NREP: variants seen among roughly 807,000 people sequenced by gnomAD.
NREP encodes neuronal regeneration related protein.
NREP carries 5 observed loss-of-function variants against 8.6 expected under a neutral mutation model. The observed-to-expected ratio is 0.58, with a 90% CI of 0.30 to 1.22. The LOEUF is 1.22. NREP is among the 50% of genes most tolerant of loss of function. NREP has a pLI of 0.07. For missense variants in NREP, 86 were observed against 82.5 expected (o/e 1.04, Z -0.17); for synonymous variants, 27 against 28.0 (o/e 0.96, Z 0.11).
chr5:111,815,474 T>A (rs760957498), intron 2 of NREP, among the ~76,000 whole-genome samples: 100 of 152,052 alleles, frequency 6.6e-4, no homozygotes, highest in Non-Finnish European at 1.1e-3. Flanking sequence ...ATCTAAGGAC[T>A]CAGTTATCAA....
chr5:111,848,657 C>G (rs1362255769), intron 2 of NREP, among the ~76,000 whole-genome samples: 1 of 152,006 alleles, frequency 6.6e-6, no homozygotes, highest in African/African-American at 2.4e-5. Flanking sequence ...CCAACCCCCC[C>G]ATCCCCTGCC....
chr5:111,813,707 C>T (rs1752318658), intron 2 of NREP, among the ~76,000 whole-genome samples: 1 of 151,910 alleles, frequency 6.6e-6, no homozygotes, highest in Non-Finnish European at 1.5e-5. Context: ...TTATGGTTAC[C>T]ATAGAAAACA....
In NREP at chr5:111,855,482, T is replaced by G. The variant is rs1289480578; in HGVS notation, c.135+119792A>C. The stretch of plus-strand genomic sequence containing the variant: ...TAATCCCACCTCCCAAATCACTCAA[T>G]GAGTCAACATTTTTCCAGACCCAGA... On this transcript the variant is annotated intron_variant, in intron 2 of 3. Coordinates refer to the NREP transcript ENST00000395634. 2.0e-5 allele frequency among the ~76,000 whole-genome samples: 3 copies of G among 152,162 alleles called. 1 individual carries two copies.
At chr5:111,765,768 T>C (rs887076542) in intron 2 of NREP, among the ~76,000 whole-genome samples, 1 of 152,226 alleles carries the variant, frequency 6.6e-6, no homozygotes, top group Admixed American at 6.5e-5. Flanking sequence ...CACTTGGTTC[T>C]CTTGGTTTCT....
intron 2 of NREP, among the ~76,000 whole-genome samples, chr5:111,849,130 G>T (rs1345726203): frequency 6.6e-6 from 1 of 152,110 alleles, no homozygotes; most frequent in Non-Finnish European, 1.5e-5. Flanking sequence ...TGACAAGCAG[G>T]GAGCTTCTGG....
intron 2 of NREP, among the ~76,000 whole-genome samples, chr5:111,801,490 G>A (rs149178415): frequency 1.3e-5 from 2 of 152,148 alleles, no homozygotes; most frequent in South Asian, 2.1e-4. Flanking sequence ...AGAAAAAAGA[G>A]GCCTTTCATA....
chr5:111,934,935 T>G (rs868163118), intron 2 of NREP, among the ~76,000 whole-genome samples: 5 of 151,650 alleles, frequency 3.3e-5, no homozygotes, highest in African/African-American at 1.2e-4. Context: ...TGGGAGCTAC[T>G]GTCATGGAAG....
At chr5:111,731,312 A>G (rs771242019) in intron 3 of NREP, among the ~76,000 whole-genome samples, 1 of 151,808 alleles carries the variant, frequency 6.6e-6, no homozygotes, top group Non-Finnish European at 1.5e-5. Flanking sequence ...GGTGCCAGCC[A>G]TGTGTGAGGC....
intron 2 of NREP, among the ~76,000 whole-genome samples, chr5:111,874,677 C>G (rs1753864872): frequency 6.6e-6 from 1 of 152,134 alleles, no homozygotes; most frequent in Non-Finnish European, 1.5e-5. Flanking sequence ...AGACACTTCT[C>G]CCTCCAAATC....
chr5:111,942,802 G>T (rs1024372617), intron 2 of NREP, among the ~76,000 whole-genome samples: 1 of 152,018 alleles, frequency 6.6e-6, no homozygotes, highest in East Asian at 1.9e-4. Flanking sequence ...AATGCCTGAG[G>T]TCAAATCCTG....
intron 2 of NREP, among the ~76,000 whole-genome samples, chr5:111,867,808 C>CT (rs1561700689): frequency 1.3e-5 from 2 of 151,904 alleles, no homozygotes; most frequent in Admixed American, 6.6e-5. Context: ...AATAGTTTTT[C>CT]TTTTTTTGAG....
intron 2 of NREP, among the ~76,000 whole-genome samples, chr5:111,856,216 A>T (rs1490612043): frequency 6.6e-6 from 1 of 152,210 alleles, no homozygotes. Flanking sequence ...GATCGTAAAC[A>T]TATGAACTAG....
chr5:111,793,443 T>C (rs1165063280), intron 2 of NREP, among the ~76,000 whole-genome samples: 1 of 152,082 alleles, frequency 6.6e-6, no homozygotes, highest in Non-Finnish European at 1.5e-5. Flanking sequence ...CAGGAGAAGA[T>C]AATTGTCTCA....
At chr5:111,920,537 G>C (rs2112579498) in intron 2 of NREP, among the ~76,000 whole-genome samples, 1 of 152,244 alleles carries the variant, frequency 6.6e-6, no homozygotes, top group East Asian at 1.9e-4. Flanking sequence ...GATGAGGTTA[G>C]AGCAGAAGTT....
intron 2 of NREP, among the ~76,000 whole-genome samples, chr5:111,865,243 T>C (rs545953765): frequency 3.0e-4 from 45 of 152,206 alleles, no homozygotes; most frequent in Middle Eastern, 3.4e-3. Flanking sequence ...ACATCTAGAT[T>C]TGCAAAAATT....
chr5:111,976,745 T>G, exon 1 of NREP: 1 of 1,550,812 alleles, frequency 6.4e-7, no homozygotes, highest in Non-Finnish European at 8.7e-7. Flanking sequence ...TTCATTCCAG[T>G]CCTGTTACTG....
At chr5:111,912,073 C>T (rs569962638) in intron 2 of NREP, among the ~76,000 whole-genome samples, 2 of 152,228 alleles carry the variant, frequency 1.3e-5, no homozygotes, top group African/African-American at 2.4e-5. Context: ...ACCAGCTTCT[C>T]TTGAATTGCA....
intron 2 of NREP, among the ~76,000 whole-genome samples, chr5:111,779,823 G>A (rs1296963697): frequency 6.6e-6 from 1 of 152,236 alleles, no homozygotes; most frequent in Non-Finnish European, 1.5e-5. Flanking sequence ...TGTACAGTAT[G>A]AGAGAGGACA....
At chr5:111,821,076 T>C (rs139122593) in intron 2 of NREP, among the ~76,000 whole-genome samples, 1 of 152,286 alleles carries the variant, frequency 6.6e-6, no homozygotes, top group Non-Finnish European at 1.5e-5. Context: ...TGCATTCTGA[T>C]ATATAATTAG....
Sources: gnomAD v4.1 joint callset for allele counts (sites outside exome capture counted in the v4.1 genomes callset) on GRCh38, gnomAD v4.1.1 for gene constraint, MANE v1.5 for transcripts, NCBI Gene and HGNC (gene_info 2026-07-23, HGNC 2026-07-21) for gene names.